TNS1: variants seen among roughly 807,000 people sequenced by gnomAD.
The protein encoded by TNS1 is tensin-1.
In TNS1, 62 loss-of-function variants were observed where a neutral mutation model predicts 168.6. The ratio of observed to expected loss-of-function variants is 0.37; its 90% CI spans 0.30 to 0.45. TNS1 has a LOEUF of 0.45. Ranked by LOEUF, TNS1 falls within the 20% of genes least tolerant of loss-of-function variation. TNS1 has a pLI of 1.00. For synonymous variants in TNS1, 934 were observed against 933.2 expected (o/e 1.00, Z -0.02); for missense variants, 2,240 against 2,339.4 (o/e 0.96, Z 0.88).
At chr2:218,008,354 G>C (rs1958678315) in intron 1 of TNS1, among the ~76,000 whole-genome samples, 1 of 152,222 alleles carries the variant, frequency 6.6e-6, no homozygotes, top group South Asian at 2.1e-4. Flanking sequence ...AGGAAAAGGA[G>C]AGTGGAGTGA....
rs1330557161 is a variant in TNS1, at chr2:217,986,589, A to G, written c.148+4353T>C. On this transcript the variant is annotated intron_variant, in intron 2 of 32. Transcript: ENST00000682258. This position sits in a 1 kb window ranked among gnomAD's most constrained non-coding sequence, Gnocchi z 4.7. ...CTCCTGTGCACATGGACTCCCATAG[A>G]GCACTTCCCTAGAGACCTGTGGGAA... 6.6e-6 allele frequency among the ~76,000 whole-genome samples: 1 copy of G among 152,116 alleles called. No homozygotes were observed. The highest frequency in any genetic ancestry group is 1.5e-5 in the Non-Finnish European group (1 of 67,998).
rs1361738797 is a variant in TNS1 at position 217,911,848 on chromosome 2, T to C, written c.229-4597A>G. ...TGTGGGGAACAAGCTTTCTGAAAAT[T>C]GAAGGCCAGTTATAGCAGGACTTCT... On this transcript the variant is annotated intron_variant, in intron 4 of 32. Transcript: ENST00000682258. 2.6e-5 allele frequency among the ~76,000 whole-genome samples: 4 copies of C among 152,220 alleles called. No individual in the cohort carries two copies. In the East Asian group the frequency reaches 7.7e-4, roughly 29 times the overall value.
intron 1 of TNS1, among the ~76,000 whole-genome samples, chr2:218,027,798 G>A (rs115066732): frequency 6.6e-6 from 1 of 152,272 alleles, no homozygotes; most frequent in East Asian, 1.9e-4. Context: ...GGGCTGAAAG[G>A]TGAGCAGACA....
intron 12 of TNS1, among the ~76,000 whole-genome samples, chr2:217,886,936 C>G (rs1428182540): frequency 6.6e-6 from 1 of 152,160 alleles, no homozygotes. Context: ...ATATCTCTTT[C>G]CTGCTTCACT....
chr2:217,871,946 T>C (rs1949812006), intron 18 of TNS1, among the ~76,000 whole-genome samples: 1 of 152,258 alleles, frequency 6.6e-6, no homozygotes, highest in African/African-American at 2.4e-5. Flanking sequence ...CTAAAGCATT[T>C]TGGGCTACAG....
chr2:217,812,246 G>T, intron 28 of TNS1, 122 bp downstream of exon 28: 3 of 692,440 alleles, frequency 4.3e-6, no homozygotes, highest in Non-Finnish European at 7.0e-6. Context: ...AGTTTCTCCA[G>T]ACTGGCAAAA....
intron 4 of TNS1, among the ~76,000 whole-genome samples, chr2:217,912,605 T>C (rs1954554726): frequency 1.3e-5 from 2 of 152,110 alleles, no homozygotes; most frequent in Non-Finnish European, 2.9e-5. Flanking sequence ...CCAGAGAAAG[T>C]TATTCTAGGC....
At position 217,800,218 on chromosome 2, in the gene TNS1, A is replaced by G. The variant is rs1479536914; in HGVS notation, c.*4241T>C. 1 of 152,258 alleles carries G rather than the reference A, an allele frequency of 6.6e-6. No homozygotes were observed. The highest frequency in any genetic ancestry group is 1.5e-5 in the Non-Finnish European group (1 of 68,080). The allele number at this position is 152,258 out of a possible 1,614,324, so 9.4% of individuals were successfully genotyped here. On this transcript the variant is annotated 3_prime_UTR_variant, in exon 33 of 33. Transcript: ENST00000682258. ...TTCAAACAGCTTAACACTGATTGGA[A>G]AACAAGCTTGGGACATCCCTCTACA...
rs556060590 is a variant in TNS1, at chr2:217,995,542, G to A, written c.34-4486C>T. Among the ~76,000 whole-genome samples the A allele has an allele frequency of 6.6e-6, 1 of 152,166 alleles. No homozygotes were observed. The highest frequency in any genetic ancestry group is 2.1e-4 in the South Asian group (1 of 4,832). On this transcript the variant is annotated intron_variant, in intron 1 of 32. Coordinates refer to ENST00000682258, the MANE Select transcript of TNS1 (RefSeq NM_001387777.1). The surrounding 1 kb of genome is among the most constrained non-coding windows in gnomAD (Gnocchi z 4.1). ...GCCCTCCCCCCGGGTTGTTCTGCAG[G>A]TACAGGCAGAGGATGTAAACAAGCC... is the stretch of plus-strand genomic sequence containing the variant.
chr2:217,900,549 G>T, intron 6 of TNS1, 37 bp from the exon 7 acceptor site: 1 of 1,533,052 alleles, frequency 6.5e-7, no homozygotes, highest in Non-Finnish European at 8.7e-7. Flanking sequence ...TTATGCAGGG[G>T]TGGGCAGGAT....
Position 217,897,882 on chromosome 2 carries a change from G to A in TNS1, c.459C>T (p.Pro153=), listed in dbSNP as rs757279699. Residue 153 remains proline (P), a synonymous_variant, in exon 8 of 33, where the codon CCC becomes CCT. Coordinates refer to ENST00000682258, the MANE Select transcript of TNS1 (RefSeq NM_001387777.1). ...VTERIIAVSF[P]STANEENFRS... is the part of the protein sequence containing the mutation. ...GGAAGTTCTCCTCATTGGCTGTGCT[G>A]GGGAAGGAGACAGCGATGATCCTCT... 1 of 1,613,684 alleles carries A rather than the reference G, an allele frequency of 6.2e-7. No individual in the cohort carries two copies. Among genetic ancestry groups the A allele is most frequent in the Admixed American group, 1.7e-5 (1 of 59,970 alleles).
intron 3 of TNS1, among the ~76,000 whole-genome samples, chr2:217,933,861 T>C (rs1956457283): frequency 6.6e-6 from 1 of 151,922 alleles, no homozygotes. Flanking sequence ...GTGGAGTAGA[T>C]AGGAGGATAC....
chr2:218,009,870 G>A (rs1250386939), intron 1 of TNS1, among the ~76,000 whole-genome samples: 1 of 152,196 alleles, frequency 6.6e-6, no homozygotes, highest in Non-Finnish European at 1.5e-5. Flanking sequence ...GGTGTGCGCT[G>A]GGGGAGGGGC....
chr2:217,911,308 G>A (rs149054014), intron 4 of TNS1, among the ~76,000 whole-genome samples: 57 of 152,320 alleles, frequency 3.7e-4, no homozygotes, highest in Non-Finnish European at 3.2e-4. Flanking sequence ...TGCTCTTAGC[G>A]GGCTGCTCTG....
In TNS1 at chr2:217,995,356, G is replaced by A. The variant is rs1958449081; in HGVS notation, c.34-4300C>T. On this transcript the variant is annotated intron_variant, in intron 1 of 32. Coordinates refer to ENST00000682258, the MANE Select transcript of TNS1 (RefSeq NM_001387777.1). The surrounding 1 kb of genome is among the most constrained non-coding windows in gnomAD (Gnocchi z 4.1). ...ATATATGAAGGAACAGTTATTGTAA[G>A]TAGGCACCAGACATCATCTGAAGTT... Among the ~76,000 whole-genome samples the A allele has an allele frequency of 6.6e-6, 1 of 152,168 alleles. No individual in the cohort carries two copies. Among genetic ancestry groups the A allele is most frequent in the Non-Finnish European group, 1.5e-5 (1 of 68,038 alleles).
intron 8 of TNS1, 106 bp from the exon 9 acceptor site, chr2:217,895,162 T>C: frequency 8.7e-7 from 1 of 1,154,810 alleles, no homozygotes; most frequent in South Asian, 1.3e-5. Context: ...GTGGCATCAT[T>C]GCCAACTTCC....
chr2:217,889,853 G>C (rs779408235), intron 12 of TNS1, among the ~76,000 whole-genome samples: 1 of 152,190 alleles, frequency 6.6e-6, no homozygotes, highest in Non-Finnish European at 1.5e-5. Context: ...CCACCATCCA[G>C]GTCTCCAGTT....
intron 18 of TNS1, chr2:217,849,996 C>T: frequency 3.0e-6 from 3 of 985,396 alleles, no homozygotes; most frequent in Non-Finnish European, 3.6e-6. Context: ...GTCATTCATG[C>T]TGCCCACTGC....
At chr2:217,810,079 A>G in intron 29 of TNS1, 88 bp from the exon 30 acceptor site, 1 of 1,511,042 alleles carries the variant, frequency 6.6e-7, no homozygotes, top group Admixed American at 1.8e-5. Context: ...AGAAGGTAGC[A>G]GATAAATTTC....
Sources: allele counts gnomAD v4.1 joint callset (sites outside exome capture counted in the v4.1 genomes callset), GRCh38; gene constraint gnomAD v4.1.1; non-coding constraint Gnocchi (gnomAD v3.1); transcripts MANE v1.5; gene names NCBI Gene and HGNC (gene_info 2026-07-23, HGNC 2026-07-21).